The following MYOD1 variants were observed in gnomAD, a reference collection of about 807,000 sequenced individuals.
MYOD1 encodes myoblast determination protein 1.
In MYOD1, 15 loss-of-function variants were observed where a neutral mutation model predicts 14.9. The ratio of observed to expected loss-of-function variants is 1.01; its 90% confidence interval spans 0.67 to 1.55. MYOD1 has a LOEUF of 1.55. Ranked by LOEUF, MYOD1 falls within the 40% of genes most tolerant of loss-of-function variation. The pLI, the probability that MYOD1 is intolerant of heterozygous loss-of-function variation, is 0.00. For missense variants in MYOD1, 529 were observed against 482.6 expected, an observed-to-expected ratio of 1.10 and a Z score of -0.90; for synonymous variants, 235 against 218.6, an observed-to-expected ratio of 1.07 and a Z score of -0.66.
Position 17,721,216 on chromosome 11 carries a change from G to T in MYOD1, c.710-39G>T. Reference sequence around the variant, plus strand: ...GCCCGGGGGTGGGAGGCTTGTCGCGGCCCCACCCCTGCTTACTAACCGAGC... The same window carrying T: ...GCCCGGGGGTGGGAGGCTTGTCGCGTCCCCACCCCTGCTTACTAACCGAGC... On this transcript the variant is annotated intron_variant, in intron 2 of 2. Coordinates refer to ENST00000250003, the MANE Select transcript of MYOD1 (RefSeq NM_002478.5). The surrounding 1 kb of genome is among the most constrained non-coding windows in gnomAD (Gnocchi z 6.2). 6.8e-7 allele frequency: 1 copy of T among 1,481,420 alleles called. No homozygotes were observed. Among genetic ancestry groups the T allele is most frequent in the Non-Finnish European group, 8.9e-7 (1 of 1,118,136 alleles). The allele number at this position is 1,481,420 out of a possible 1,614,324, so 91.8% of individuals were successfully genotyped here.
Position 17,720,922 on chromosome 11 carries a change from G to C in MYOD1, c.651G>C (p.Pro217=), listed in dbSNP as rs961321081. The change falls in exon 2 of 3, where the codon CCG becomes CCC. Residue 217 remains proline (P), a synonymous_variant. Transcript: ENST00000250003. The part of the protein sequence containing the change: ...SDGMMDYSGP[P]SGARRRNCYE... ...TGCAGATGGACTACAGCGGCCCCCCGAGCGGCGCCCGGCGGCGGAACTGCT... is the reference window on the plus strand; with the variant it reads ...TGCAGATGGACTACAGCGGCCCCCCCAGCGGCGCCCGGCGGCGGAACTGCT... The C allele has an allele frequency of 9.3e-6, 15 of 1,612,034 alleles. No homozygotes were observed. Among genetic ancestry groups the C allele is most frequent in the Non-Finnish European group, 1.2e-5 (14 of 1,179,694 alleles).
rs749750480 is a variant in MYOD1 at position 17,721,857 on chromosome 11, G to C, written c.*349G>C. ...TGCCCCGGGATGCACCGGTTATTTG[G>C]GGGGGCGTGAGACCCAGTGCACTCC... is the stretch of plus-strand genomic sequence containing the variant. On this transcript the variant is annotated 3_prime_UTR_variant, in exon 3 of 3. Coordinates refer to ENST00000250003, the MANE Select transcript of MYOD1 (RefSeq NM_002478.5). This position sits in a 1 kb window ranked among gnomAD's most constrained non-coding sequence, Gnocchi z 6.2. 3.2e-6 allele frequency: 1 copy of C among 313,774 alleles called. No individual in the cohort carries two copies. The highest frequency in any genetic ancestry group is 5.8e-6 in the Non-Finnish European group (1 of 172,586). 19.4% of individuals were successfully genotyped at this position (313,774 alleles called of 1,614,324 possible).
chr11:17,720,756 AC>A (rs1448591755), intron 1 of MYOD1, 145 bp from the exon 2 acceptor site: 1 of 882,020 alleles, frequency 1.1e-6, no homozygotes, highest in Non-Finnish European at 1.7e-6. Context: ...TCTCCTACCC[AC>A]CCGTAATTAC....
rs369764128 is a variant in MYOD1 at position 17,722,023 on chromosome 11, A to C, written c.*515A>C. The stretch of plus-strand genomic sequence containing the variant: ...AGCAGGAGCCCCTGGGGCTGTATTT[A>C]TCTCTGAGGCATGGTGTGTGGTGCT... On this transcript the variant is annotated 3_prime_UTR_variant, in exon 3 of 3. Coordinates refer to ENST00000250003, the MANE Select transcript of MYOD1 (RefSeq NM_002478.5). 1 of 208,506 alleles carries C rather than the reference A, an allele frequency of 4.8e-6. No homozygotes were observed. Among genetic ancestry groups the C allele is most frequent in the Non-Finnish European group, 9.8e-6 (1 of 102,536 alleles). The allele number at this position is 208,506 out of a possible 1,614,324, so 12.9% of individuals were successfully genotyped here.
rs150053079 is a variant in MYOD1, at chr11:17,720,267, C to T, written c.485C>T (p.Ala162Val). The T allele has an allele frequency of 3.8e-4, 605 of 1,598,782 alleles. 3 individuals are homozygous for T. The highest frequency in any genetic ancestry group is 4.6e-4 in the Non-Finnish European group (540 of 1,175,260). The change falls in exon 1 of 3, where the codon GCT (alanine) becomes GTT (valine). Residue 162 changes from alanine (A) to valine (V), a missense_variant. Coordinates refer to ENST00000250003, the MANE Select transcript of MYOD1 (RefSeq NM_002478.5). ...NAIRYIEGLQ[A>V]LLRDQDAAPP... ...ATCCGCTATATCGAGGGCCTGCAGG[C>T]TCTGCTGCGCGACCAGGACGCCGCG... is the stretch of plus-strand genomic sequence containing the variant.
intron 1 of MYOD1, 108 bp from the exon 2 acceptor site, chr11:17,720,794 C>G (rs1848630275): frequency 1.6e-6 from 2 of 1,261,120 alleles, no homozygotes; most frequent in East Asian, 2.4e-5. Flanking sequence ...GGTCTGGGCC[C>G]GGAACTAGAG....
In MYOD1 at chr11:17,720,321, C is replaced by T. The variant is rs1466899825; in HGVS notation, c.539C>T (p.Ala180Val). ...APPGAAAAFYAPGPLPPGRGG... is the reference protein window; with the variant it reads ...APPGAAAAFYVPGPLPPGRGG... ...CCTGGCGCCGCAGCCGCCTTCTATGCGCCGGGCCCGCTGCCCCCGGGCCGC... is the reference window on the plus strand; with the variant it reads ...CCTGGCGCCGCAGCCGCCTTCTATGTGCCGGGCCCGCTGCCCCCGGGCCGC... The change falls in exon 1 of 3, where the codon GCG becomes GTG. Residue 180 changes from alanine to valine, a missense_variant. Physicochemically the swap from Ala to Val is moderately conservative, Grantham distance 64 (BLOSUM62 0). Coordinates refer to ENST00000250003, the MANE Select transcript of MYOD1 (RefSeq NM_002478.5). 5 of 1,567,882 alleles carry T rather than the reference C, an allele frequency of 3.2e-6. No homozygotes were observed. The highest frequency in any genetic ancestry group is 2.4e-5 in the East Asian group (1 of 41,204).
Position 17,721,064 on chromosome 11 carries a change from C to G in MYOD1, c.709+84C>G. ...TCTATCTAGGACGCTCCCACCCCCA[C>G]TCACACACGCCTATGTCCTGGGAAG... is the stretch of plus-strand genomic sequence containing the variant. On this transcript the variant is annotated intron_variant, in intron 2 of 2. Coordinates refer to ENST00000250003, the MANE Select transcript of MYOD1 (RefSeq NM_002478.5). The surrounding 1 kb of genome is among the most constrained non-coding windows in gnomAD (Gnocchi z 6.2). 4 of 1,428,676 alleles carry G rather than the reference C, an allele frequency of 2.8e-6. No homozygotes were observed. The highest frequency in any genetic ancestry group is 3.7e-6 in the Non-Finnish European group (4 of 1,075,086). 88.5% of individuals were successfully genotyped at this position (1,428,676 alleles called of 1,614,324 possible). A position where few individuals can be genotyped will look rare whatever the true frequency, so the allele number is the denominator to read the frequency against.
Position 17,719,827 on chromosome 11 carries a change from C to T in MYOD1, c.45C>T (p.Ala15=). 6.2e-7 allele frequency: 1 copy of T among 1,613,634 alleles called. No homozygotes were observed. ...SPPLRDVDLT[A]PDGSLCSFAT... ...CGCTCCGCGACGTAGACCTGACGGC[C>T]CCCGACGGCTCTCTCTGCTCCTTTG... The change falls in exon 1 of 3, where the codon GCC becomes GCT. Residue 15 remains alanine (A), a synonymous_variant. Coordinates refer to ENST00000250003, the MANE Select transcript of MYOD1 (RefSeq NM_002478.5).
rs1321587764 is a variant in MYOD1, at chr11:17,721,567, A to G, written c.*59A>G. 3.4e-6 allele frequency: 5 copies of G among 1,473,092 alleles called. No homozygotes were observed. The African/African-American group carries it at 4.3e-5, about 13-fold the overall frequency. The allele number at this position is 1,473,092 out of a possible 1,614,324, so 91.3% of individuals were successfully genotyped here. A position where few individuals can be genotyped will look rare whatever the true frequency, so the allele number is the denominator to read the frequency against. ...GTGCCCCTAGGGTCCCTCGCGCCCA[A>G]AAGATTGAACTTAAATGCCCCCCTC... On this transcript the variant is annotated 3_prime_UTR_variant, in exon 3 of 3. Coordinates refer to ENST00000250003, the MANE Select transcript of MYOD1 (RefSeq NM_002478.5). The surrounding 1 kb of genome is among the most constrained non-coding windows in gnomAD (Gnocchi z 6.2).
Position 17,720,337 on chromosome 11 carries a change from C to T in MYOD1, c.555C>T (p.Pro185=), listed in dbSNP as rs771178524. 6.5e-7 allele frequency: 1 copy of T among 1,542,934 alleles called. No individual in the cohort carries two copies. The highest frequency in any genetic ancestry group is 1.2e-5 in the South Asian group (1 of 81,540). ...AAAFYAPGPL[P]PGRGGEHYSG... ...CCTTCTATGCGCCGGGCCCGCTGCC[C>T]CCGGGCCGCGGCGGCGAGCACTACA... Residue 185 remains proline, a synonymous_variant, in exon 1 of 3, where the codon CCC becomes CCT. Coordinates refer to ENST00000250003, the MANE Select transcript of MYOD1 (RefSeq NM_002478.5).
chr11:17,719,814 T>C lies in MYOD1; in HGVS notation c.32T>C (p.Val11Ala), dbSNP rs1341478690. 1 of 1,613,312 alleles carries C rather than the reference T, an allele frequency of 6.2e-7. No individual in the cohort carries two copies. The highest frequency in any genetic ancestry group is 8.5e-7 in the Non-Finnish European group (1 of 1,179,974). Residue 11 changes from valine (V) to alanine (A), a missense_variant, in exon 1 of 3, where the codon GTA (valine) becomes GCA (alanine). By Grantham distance (64) the Val-to-Ala change is moderately conservative. Coordinates refer to ENST00000250003, the MANE Select transcript of MYOD1 (RefSeq NM_002478.5). Reference protein sequence around the residue: MELLSPPLRDVDLTAPDGSLC... With the variant: MELLSPPLRDADLTAPDGSLC... Reference sequence around the variant, plus strand: ...CTACTGTCGCCACCGCTCCGCGACGTAGACCTGACGGCCCCCGACGGCTCT... The same window carrying C: ...CTACTGTCGCCACCGCTCCGCGACGCAGACCTGACGGCCCCCGACGGCTCT...
In MYOD1 at chr11:17,721,452, G is replaced by T; in HGVS notation, c.907G>T (p.Ala303Ser). 2 of 1,596,084 alleles carry T rather than the reference G, an allele frequency of 1.3e-6. No individual in the cohort carries two copies. The highest frequency in any genetic ancestry group is 8.5e-7 in the Non-Finnish European group (1 of 1,176,626). Residue 303 changes from alanine (A) to serine (S), a missense_variant, in exon 3 of 3, where the codon GCC (alanine) becomes TCC (serine). Ala to Ser is a moderately conservative substitution (Grantham distance 99). Transcript: ENST00000250003. The surrounding 1 kb of genome is among the most constrained non-coding windows in gnomAD (Gnocchi z 6.2). ...SSGDPTQSPD[A>S]APQCPAGANP... Reference sequence around the variant, plus strand: ...CGGCGACCCCACCCAGTCACCGGACGCCGCCCCGCAGTGCCCTGCGGGTGC... The same window carrying T: ...CGGCGACCCCACCCAGTCACCGGACTCCGCCCCGCAGTGCCCTGCGGGTGC...
chr11:17,721,447 C>G lies in MYOD1; in HGVS notation c.902C>G (p.Pro301Arg), dbSNP rs113719982. 1.9e-6 allele frequency: 3 copies of G among 1,596,582 alleles called. No homozygotes were observed. Among genetic ancestry groups the G allele is most frequent in the Non-Finnish European group, 2.5e-6 (3 of 1,176,828 alleles). ...AGCAGCGGCGACCCCACCCAGTCAC[C>G]GGACGCCGCCCCGCAGTGCCCTGCG... ...GESSGDPTQSPDAAPQCPAGA... is the reference protein window; with the variant it reads ...GESSGDPTQSRDAAPQCPAGA... The change falls in exon 3 of 3, where the codon CCG (proline) becomes CGG (arginine). Residue 301 changes from proline (P) to arginine (R), a missense_variant. By Grantham distance (103) the Pro-to-Arg change is moderately radical. Transcript: ENST00000250003. This position sits in a 1 kb window ranked among gnomAD's most constrained non-coding sequence, Gnocchi z 6.2.
rs1192567774 is a variant in MYOD1 at position 17,720,959 on chromosome 11, T to C, written c.688T>C (p.Tyr230His). 2.5e-6 allele frequency: 4 copies of C among 1,605,130 alleles called. No individual in the cohort carries two copies. The African/African-American group carries it at 5.3e-5, about 21-fold the overall frequency. Reference sequence around the variant, plus strand: ...GCGGCGGAACTGCTACGAAGGCGCCTACTACAACGAGGCGCCCAGCGGTGG... The same window carrying C: ...GCGGCGGAACTGCTACGAAGGCGCCCACTACAACGAGGCGCCCAGCGGTGG... ...ARRRNCYEGAYYNEAPSEPRP... is the reference protein window; with the variant it reads ...ARRRNCYEGAHYNEAPSEPRP... Residue 230 changes from tyrosine (Y) to histidine (H), a missense_variant, in exon 2 of 3, where the codon TAC becomes CAC. Tyr to His is a moderately conservative substitution (Grantham distance 83, BLOSUM62 2). Coordinates refer to ENST00000250003, the MANE Select transcript of MYOD1 (RefSeq NM_002478.5).
intron 1 of MYOD1, 58 bp from the exon 2 acceptor site, chr11:17,720,844 G>A (rs1848630583): frequency 6.5e-7 from 1 of 1,548,496 alleles, no homozygotes. Context: ...TACAGGAATT[G>A]GTGTTCGGGC....
rs1163444596 is a variant in MYOD1 at position 17,719,592 on chromosome 11, C to T, written c.-191C>T. 2.8e-6 allele frequency: 2 copies of T among 712,542 alleles called. No homozygotes were observed. The highest frequency in any genetic ancestry group is 2.2e-6 in the Non-Finnish European group (1 of 446,020). 44.1% of individuals were successfully genotyped at this position (712,542 alleles called of 1,614,324 possible). ...AGCTAGGGGTGAGGAAGCCCTGGGG[C>T]GCTGCCGCCGCTTTCCTTAACCACA... On this transcript the variant is annotated 5_prime_UTR_variant, in exon 1 of 3. Coordinates refer to ENST00000250003, the MANE Select transcript of MYOD1 (RefSeq NM_002478.5).
In MYOD1 at chr11:17,721,512, G is replaced by T; in HGVS notation, c.*4G>T. Reference sequence around the variant, plus strand: ...CCCGATATACCAGGTGCTCTGAGGGGATGGTGGCCGCCCACCCGCCCGAGG... The same window carrying T: ...CCCGATATACCAGGTGCTCTGAGGGTATGGTGGCCGCCCACCCGCCCGAGG... On this transcript the variant is annotated 3_prime_UTR_variant, in exon 3 of 3. Transcript: ENST00000250003. The surrounding 1 kb of genome is among the most constrained non-coding windows in gnomAD (Gnocchi z 6.2). 4 of 1,509,376 alleles carry T rather than the reference G, an allele frequency of 2.7e-6. No individual in the cohort carries two copies. The highest frequency in any genetic ancestry group is 1.8e-6 in the Non-Finnish European group (2 of 1,134,194). The allele number at this position is 1,509,376 out of a possible 1,614,324, so 93.5% of individuals were successfully genotyped here.
In MYOD1 at chr11:17,720,389, C is replaced by G. The variant is rs2133764481; in HGVS notation, c.607C>G (p.Arg203Gly). The G allele has an allele frequency of 6.4e-7, 1 of 1,563,772 alleles. No homozygotes were observed. The highest frequency in any genetic ancestry group is 1.7e-4 in the Middle Eastern group (1 of 5,774). Reference protein sequence around the residue: ...YSGDSDASSPRSNCSDGMMDY... With the variant: ...YSGDSDASSPGSNCSDGMMDY... ...CGGCGACTCCGACGCGTCCAGCCCG[C>G]GCTCCAACTGCTCCGACGGCATGGT... Residue 203 changes from arginine (R) to glycine (G), a missense_variant, in exon 1 of 3, where the codon CGC (arginine) becomes GGC (glycine). Transcript: ENST00000250003.
Sources: allele counts gnomAD v4.1 joint callset, GRCh38; gene constraint gnomAD v4.1.1; non-coding constraint Gnocchi (gnomAD v3.1); transcripts MANE v1.5; gene names NCBI Gene and HGNC (gene_info 2026-07-23, HGNC 2026-07-21).